The following DNAH11 variants were observed in gnomAD, a reference collection of about 807,000 sequenced individuals.
The protein encoded by DNAH11 is dynein axonemal heavy chain 11.
DNAH11 carries 442 observed loss-of-function variants against 526.0 expected under a neutral mutation model. The ratio of observed to expected loss-of-function variants is 0.84; its 90% CI spans 0.78 to 0.91. DNAH11 has a LOEUF of 0.91. Among genes scored for constraint, DNAH11 ranks in the 40% least tolerant of loss-of-function variants. The pLI, the probability that DNAH11 is intolerant of heterozygous loss-of-function variation, is 0.00. For synonymous variants in DNAH11, 2,461 were observed against 1,935.9 expected (o/e 1.27, Z -7.12); for missense variants, 6,989 against 5,448.7 (o/e 1.28, Z -8.90).
intron 76 of DNAH11, among the ~76,000 whole-genome samples, chr7:21,888,713 C>T (rs1457239272): frequency 1.3e-5 from 2 of 152,010 alleles, no homozygotes; most frequent in African/African-American, 2.4e-5. Context: ...TGGTCTTGAA[C>T]TCCTGACCTC....
chr7:21,749,825 G>C, intron 53 of DNAH11, 24 bp downstream of exon 53: 1 of 1,611,830 alleles, frequency 6.2e-7, no homozygotes, highest in South Asian at 1.1e-5. Flanking sequence ...CACATTTCTT[G>C]AAAGATCTTC....
chr7:21,832,961 G>A (rs1396900539), intron 65 of DNAH11, among the ~76,000 whole-genome samples: 1 of 152,090 alleles, frequency 6.6e-6, no homozygotes, highest in Non-Finnish European at 1.5e-5. Flanking sequence ...CATCTTGCTG[G>A]TGGTTTGTGC....
rs79218252 is a variant in DNAH11 at position 21,745,518 on chromosome 7, A to G, written c.8510+455A>G. 1.6e-4 allele frequency among the ~76,000 whole-genome samples: 25 copies of G among 152,316 alleles called. No individual in the cohort carries two copies. The East Asian group carries it at 4.6e-3, about 28-fold the overall frequency. On this transcript the variant is annotated intron_variant, in intron 51 of 81. Transcript: ENST00000409508. ...GTCCTTGGATAGAGCATGGCTGACA[A>G]GGTTCTCGCTCACCTCCTAGACCTG... is the stretch of plus-strand genomic sequence containing the variant.
In DNAH11 at chr7:21,807,975, T is replaced by C. The variant is rs760159497; in HGVS notation, c.10258T>C (p.Tyr3420His). ...DVLLTAAFVS[Y>H]VGPFTRQYRQ... ...TCTTCTCACGGCGGCATTTGTGTCT[T>C]ACGTCGGACCCTTCACAAGGCAGTA... The change falls in exon 63 of 82, where the codon TAC becomes CAC. Residue 3420 changes from tyrosine to histidine, a missense_variant. Tyr to His is a moderately conservative substitution (Grantham distance 83). Coordinates refer to ENST00000409508, the MANE Select transcript of DNAH11 (RefSeq NM_001277115.2). 1 of 1,605,516 alleles carries C rather than the reference T, an allele frequency of 6.2e-7. No individual in the cohort carries two copies. The highest frequency in any genetic ancestry group is 1.7e-5 in the Admixed American group (1 of 59,676).
chr7:21,899,244 A>G lies in DNAH11; in HGVS notation c.13050-92A>G, dbSNP rs1211692609. 1.8e-5 allele frequency: 18 copies of G among 974,770 alleles called. No individual in the cohort carries two copies. The Admixed American group carries it at 3.1e-4, about 17-fold the overall frequency. 60.4% of individuals were successfully genotyped at this position (974,770 alleles called of 1,614,324 possible). ...AGCAGTGGTATACTTCTCCTCCACC[A>G]CCACCCTGCCCTAACCGCCCACAAC... On this transcript the variant is annotated intron_variant, in intron 79 of 81. Transcript: ENST00000409508.
In DNAH11 at chr7:21,654,447, G is replaced by A. The variant is rs12669443; in HGVS notation, c.4945-1385G>A. Among the ~76,000 whole-genome samples the A allele has an allele frequency of 6.2e-3, 941 of 152,224 alleles. 51 individuals carry two copies. The East Asian group carries it at 0.12, about 20-fold the overall frequency. ...CCTTTTAATGACTGAACAATATTCCGTTGTATGGATATACCACATTTTGTT... is the reference window on the plus strand; with the variant it reads ...CCTTTTAATGACTGAACAATATTCCATTGTATGGATATACCACATTTTGTT... On this transcript the variant is annotated intron_variant, in intron 28 of 81. Coordinates refer to ENST00000409508, the MANE Select transcript of DNAH11 (RefSeq NM_001277115.2).
At chr7:21,587,240 C>T (rs951720462) in intron 9 of DNAH11, among the ~76,000 whole-genome samples, 1 of 152,066 alleles carries the variant, frequency 6.6e-6, no homozygotes, top group African/African-American at 2.4e-5. Context: ...TTGTGAACAC[C>T]GGCAGTGAAG....
chr7:21,752,681 G>A (rs1786464523), intron 54 of DNAH11, among the ~76,000 whole-genome samples: 1 of 152,112 alleles, frequency 6.6e-6, no homozygotes, highest in South Asian at 2.1e-4. Context: ...TACTCTTCAA[G>A]ATAATCTTTT....
At chr7:21,689,760 TTC>T (rs1267926928) in intron 34 of DNAH11, among the ~76,000 whole-genome samples, 1 of 152,220 alleles carries the variant, frequency 6.6e-6, no homozygotes, top group Non-Finnish European at 1.5e-5. Context: ...TGTGGTTTCT[TTC>T]TGTGTTTTCT....
chr7:21,773,699 G>GT, intron 55 of DNAH11, 67 bp from the exon 56 acceptor site: 4 of 791,586 alleles, frequency 5.1e-6, no homozygotes, highest in South Asian at 3.0e-5. Flanking sequence ...TCATTTACTT[G>GT]ATTTTTTTTA....
intron 5 of DNAH11, among the ~76,000 whole-genome samples, chr7:21,563,124 T>C (rs970498921): frequency 6.6e-6 from 1 of 152,182 alleles, no homozygotes; most frequent in African/African-American, 2.4e-5. Flanking sequence ...AGAGAAAACT[T>C]TGGATTCAAT....
chr7:21,870,973 T>C (rs902125295), intron 73 of DNAH11, among the ~76,000 whole-genome samples: 2 of 152,206 alleles, frequency 1.3e-5, no homozygotes, highest in South Asian at 2.1e-4. Context: ...AGCAGGACTT[T>C]GAAGAAAGAG....
At chr7:21,634,024 A>G (rs1194673474) in intron 25 of DNAH11, among the ~76,000 whole-genome samples, 1 of 152,240 alleles carries the variant, frequency 6.6e-6, no homozygotes, top group African/African-American at 2.4e-5. Flanking sequence ...TTCTAAAATT[A>G]TAGTGTTAAC....
chr7:21,711,458 T>G (rs926768662), intron 41 of DNAH11, among the ~76,000 whole-genome samples: 1 of 152,220 alleles, frequency 6.6e-6, no homozygotes, highest in Non-Finnish European at 1.5e-5. Flanking sequence ...AATACATGTC[T>G]TATATTTGGC....
chr7:21,858,989 C>G (rs550374471), intron 68 of DNAH11, among the ~76,000 whole-genome samples: 12 of 152,124 alleles, frequency 7.9e-5, no homozygotes, highest in East Asian at 7.7e-4. Context: ...GACAAGATGC[C>G]CCAAGTGGAA....
intron 73 of DNAH11, among the ~76,000 whole-genome samples, chr7:21,870,397 C>G (rs1423901323): frequency 1.3e-5 from 2 of 152,178 alleles, no homozygotes; most frequent in Admixed American, 1.3e-4. Context: ...ATAATACCCA[C>G]TGCTTAGATG....
In DNAH11 at chr7:21,816,540, A is replaced by G. The variant is rs778187658; in HGVS notation, c.10406A>G (p.Asn3469Ser). The G allele has an allele frequency of 9.9e-6, 16 of 1,612,906 alleles. No individual in the cohort carries two copies. Among genetic ancestry groups the G allele is most frequent in the East Asian group, 2.2e-5 (1 of 44,846 alleles). The change falls in exon 64 of 82, where the codon AAT becomes AGT. Residue 3469 changes from asparagine (N) to serine (S), a missense_variant. Asn to Ser is a conservative substitution (Grantham distance 46). Transcript: ENST00000409508. ...LTDDATIAAW[N>S]NEGLPSDRMS... ...GATGATGCTACAATTGCCGCCTGGA[A>G]TAACGAAGGACTGCCCAGTGACAGA...
At chr7:21,807,039 G>A (rs1376771538) in intron 62 of DNAH11, among the ~76,000 whole-genome samples, 1 of 152,166 alleles carries the variant, frequency 6.6e-6, no homozygotes, top group East Asian at 1.9e-4. Flanking sequence ...AGGATAGATG[G>A]CTATTTCAGC....
chr7:21,545,038 T>C lies in DNAH11; in HGVS notation c.384T>C (p.Phe128=), dbSNP rs1405180743. The change falls in exon 2 of 82, where the codon TTT becomes TTC. Residue 128 remains phenylalanine, a synonymous_variant. Transcript: ENST00000409508. ...GAGATGCAAACCATAAACTTGTTTT[T>C]ATTTCCAAGAAGATTACTGAAAGCA... ...IPRDANHKLV[F]ISKKITESIG... is the part of the protein sequence containing the mutation. 4.4e-6 allele frequency: 7 copies of C among 1,596,522 alleles called. No individual in the cohort carries two copies. The highest frequency in any genetic ancestry group is 6.0e-6 in the Non-Finnish European group (7 of 1,171,030).
Sources: allele counts gnomAD v4.1 joint callset (sites outside exome capture counted in the v4.1 genomes callset), GRCh38; gene constraint gnomAD v4.1.1; transcripts MANE v1.5; gene names NCBI Gene and HGNC (gene_info 2026-07-23, HGNC 2026-07-21).